Variants in SEC24D observed in about 807,000 individuals in gnomAD.
The protein encoded by SEC24D is protein transport protein Sec24D.
Under a neutral mutation model 116.9 loss-of-function variants are expected in SEC24D, and 69 were observed. That is an observed-to-expected ratio of 0.59 (90% CI 0.49 to 0.72). The LOEUF (loss-of-function observed/expected upper bound fraction) is 0.72, where lower values mean the gene tolerates loss of function less well. Among genes scored for constraint, SEC24D ranks in the 30% least tolerant of loss-of-function variants. The pLI, the probability that SEC24D is intolerant of heterozygous loss-of-function variation, is 0.00. For synonymous variants in SEC24D, 405 were observed against 442.8 expected (o/e 0.91, Z 1.07); for missense variants, 1,131 against 1,264.1 (o/e 0.89, Z 1.60).
chr4:118,810,832 C>A (rs573763743), intron 6 of SEC24D, among the ~76,000 whole-genome samples: 1 of 151,648 alleles, frequency 6.6e-6, no homozygotes, highest in South Asian at 2.1e-4. Flanking sequence ...AAAGACTAAG[C>A]CTTAGGACAC....
intron 10 of SEC24D, among the ~76,000 whole-genome samples, chr4:118,759,560 AG>A (rs1271383414): frequency 6.6e-6 from 1 of 152,218 alleles, no homozygotes; most frequent in Non-Finnish European, 1.5e-5. Context: ...TGAACCATCC[AG>A]ATTGCAAAGT....
At position 118,725,849 on chromosome 4, in the gene SEC24D, T is replaced by C. The variant is rs149351356; in HGVS notation, c.2959-2194A>G. Among the ~76,000 whole-genome samples the C allele has an allele frequency of 5.4e-3, 826 of 152,262 alleles. 9 individuals are homozygous for C. The highest frequency in any genetic ancestry group is 0.019 in the African/African-American group (769 of 41,550). ...GGGGAGTGGAGTCATGGAAGTGGTATTGGCCTGTCTTGACACAGTGATGGT... is the reference window on the plus strand; with the variant it reads ...GGGGAGTGGAGTCATGGAAGTGGTACTGGCCTGTCTTGACACAGTGATGGT... On this transcript the variant is annotated intron_variant, in intron 22 of 22. Transcript: ENST00000280551.
At chr4:118,818,804 A>ACG (rs1384274722) in intron 3 of SEC24D, among the ~76,000 whole-genome samples, 1 of 152,190 alleles carries the variant, frequency 6.6e-6, no homozygotes, top group Non-Finnish European at 1.5e-5. Context: ...TTTCCATTGT[A>ACG]CGCACAAGTA....
At chr4:118,824,541 A>C (rs1422573165) in intron 3 of SEC24D, 79 bp downstream of exon 3, 1 of 1,467,372 alleles carries the variant, frequency 6.8e-7, no homozygotes, top group East Asian at 2.3e-5. Context: ...TTCAACCAAT[A>C]AACATACAAG....
intron 8 of SEC24D, among the ~76,000 whole-genome samples, chr4:118,789,710 G>A (rs906106518): frequency 1.1e-4 from 17 of 151,880 alleles, no homozygotes; most frequent in African/African-American, 3.9e-4. Flanking sequence ...TCAGCCTCCC[G>A]AGTAGCTGGG....
At position 118,828,828 on chromosome 4, in the gene SEC24D, A is replaced by G. The variant is rs1239191522; in HGVS notation, c.119-4079T>C. Among the ~76,000 whole-genome samples, 10 of 152,192 alleles carry G rather than the reference A, an allele frequency of 6.6e-5. 1 individual carries two copies. Among genetic ancestry groups the G allele is most frequent in the Non-Finnish European group, 1.0e-4 (7 of 68,030 alleles). On this transcript the variant is annotated intron_variant, in intron 2 of 22. Coordinates refer to ENST00000280551, the MANE Select transcript of SEC24D (RefSeq NM_014822.4). ...CTCTACTGCCCTTACAATAAAGTCT[A>G]AATTCCTTAAAATGATCCCACATTC...
chr4:118,807,361 A>G (rs1222626696), intron 6 of SEC24D, among the ~76,000 whole-genome samples: 1 of 152,230 alleles, frequency 6.6e-6, no homozygotes, highest in Non-Finnish European at 1.5e-5. Flanking sequence ...TGTAGGGGTG[A>G]AAATTATGAG....
At chr4:118,762,157 T>C (rs1335240755) in intron 10 of SEC24D, among the ~76,000 whole-genome samples, 1 of 151,866 alleles carries the variant, frequency 6.6e-6, no homozygotes, top group Non-Finnish European at 1.5e-5. Context: ...ACACTTTACA[T>C]GCAGATATAT....
intron 21 of SEC24D, chr4:118,729,647 CA>C (rs1725586851): frequency 6.6e-6 from 1 of 152,188 alleles, no homozygotes; most frequent in South Asian, 2.1e-4. Flanking sequence ...ACGTGGCATC[CA>C]GGTGATATGA....
In SEC24D at chr4:118,753,566, AT is replaced by A. The variant is rs368834409; in HGVS notation, c.1422-679del. Among the ~76,000 whole-genome samples, 159 of 148,404 alleles carry A rather than the reference AT, an allele frequency of 1.1e-3. 2 individuals are homozygous for A. The South Asian group carries it at 0.019, about 18-fold the overall frequency. On this transcript the variant is annotated intron_variant, in intron 11 of 22. Coordinates refer to ENST00000280551, the MANE Select transcript of SEC24D (RefSeq NM_014822.4). ...GCTCTAAAACTGTAACAAAAAGTAG[AT>A]TTTTTTTTTTAAGGAATTCCAAAAC...
intron 7 of SEC24D, among the ~76,000 whole-genome samples, chr4:118,804,885 T>TACACACACACACACACACACACAC (rs71954957): frequency 5.7e-5 from 8 of 140,908 alleles, no homozygotes; most frequent in Admixed American, 2.8e-4. Flanking sequence ...TATGCATGCA[T>TACACACACACACACACACACACAC]ACACACACAC....
chr4:118,803,283 C>T (rs1729529822), intron 7 of SEC24D, among the ~76,000 whole-genome samples: 1 of 152,146 alleles, frequency 6.6e-6, no homozygotes, highest in Non-Finnish European at 1.5e-5. Context: ...GATTTGACCA[C>T]AATTTAAAAA....
rs1364002809 is a variant in SEC24D, at chr4:118,740,824, A to G, written c.2093-16T>C. On this transcript the variant is annotated splice_polypyrimidine_tract_variant and intron_variant, in intron 16 of 22. Coordinates refer to ENST00000280551, the MANE Select transcript of SEC24D (RefSeq NM_014822.4). ...GCTCTGAAACCTAAAGATAAGGGAA[A>G]AAGGGAAATTTTGCTTGTCTTTATT... The G allele has an allele frequency of 3.1e-6, 5 of 1,612,944 alleles. No individual in the cohort carries two copies. The highest frequency in any genetic ancestry group is 4.2e-6 in the Non-Finnish European group (5 of 1,179,400).
chr4:118,821,606 T>C (rs1730406637), intron 3 of SEC24D, among the ~76,000 whole-genome samples: 1 of 152,258 alleles, frequency 6.6e-6, no homozygotes, highest in Admixed American at 6.5e-5. Flanking sequence ...AACTTATTTA[T>C]ATCTTGTTTT....
In SEC24D at chr4:118,768,264, G is replaced by A; in HGVS notation, c.1089C>T (p.Cys363=). Residue 363 remains cysteine (C), a synonymous_variant, in exon 9 of 23, where the codon TGC becomes TGT. Coordinates refer to ENST00000280551, the MANE Select transcript of SEC24D (RefSeq NM_014822.4). ...GGCACATGTAGGCCTTGCACCTGTT[G>A]CATCTGACTGGTCCACTCTCGCCGT... ...VNHGESGPVR[C]NRCKAYMCPF... 6.2e-7 allele frequency: 1 copy of A among 1,613,752 alleles called. No individual in the cohort carries two copies. Among genetic ancestry groups the A allele is most frequent in the Non-Finnish European group, 8.5e-7 (1 of 1,179,752 alleles).
chr4:118,757,177 C>T (rs1238625176), intron 11 of SEC24D, among the ~76,000 whole-genome samples: 3 of 152,264 alleles, frequency 2.0e-5, no homozygotes, highest in African/African-American at 7.2e-5. Context: ...ATTAGTTTTT[C>T]GCCTTTCCTT....
At chr4:118,756,861 G>T (rs1221758772) in intron 11 of SEC24D, among the ~76,000 whole-genome samples, 4 of 152,068 alleles carry the variant, frequency 2.6e-5, no homozygotes, top group Admixed American at 1.3e-4. Flanking sequence ...GGCAATAAGA[G>T]AGAAAAATAA....
At chr4:118,757,980 C>A (rs1207131918) in intron 10 of SEC24D, 135 bp from the exon 11 acceptor site, 2 of 682,322 alleles carry the variant, frequency 2.9e-6, no homozygotes, top group South Asian at 2.6e-5. Context: ...GGAATTAAAT[C>A]ATTTTTCCAG....
chr4:118,745,273 T>C (rs1016631487), intron 13 of SEC24D, among the ~76,000 whole-genome samples: 3 of 152,156 alleles, frequency 2.0e-5, no homozygotes, highest in Non-Finnish European at 4.4e-5. Context: ...CCAAAAGTCA[T>C]AAAATTTGTA....
Sources: allele counts gnomAD v4.1 joint callset (sites outside exome capture counted in the v4.1 genomes callset), GRCh38; gene constraint gnomAD v4.1.1; transcripts MANE v1.5; gene names NCBI Gene and HGNC (gene_info 2026-07-23, HGNC 2026-07-21).